FAT1: variants seen among roughly 807,000 people sequenced by gnomAD.
FAT1 encodes the protein FAT atypical cadherin 1.
Under a neutral mutation model 329.8 loss-of-function variants are expected in FAT1, and 171 were observed. The ratio of observed to expected loss-of-function variants is 0.52; its 90% CI spans 0.46 to 0.59. The LOEUF (loss-of-function observed/expected upper bound fraction) is 0.59. Among genes scored for constraint, FAT1 ranks in the 20% least tolerant of loss-of-function variants. FAT1 has a pLI of 0.00. For missense variants in FAT1, 5,672 were observed against 5,774.4 expected, an observed-to-expected ratio of 0.98 and a Z score of 0.57; for synonymous variants, 2,233 against 2,228.6, an observed-to-expected ratio of 1.00 and a Z score of -0.06.
intron 3 of FAT1, among the ~76,000 whole-genome samples, chr4:186,651,870 G>A (rs548515145): frequency 4.7e-4 from 72 of 152,300 alleles, no homozygotes; most frequent in African/African-American, 1.5e-3. Context: ...AGCCGGCTGC[G>A]CGCTCTTTCG....
At chr4:186,604,668 C>A in intron 17 of FAT1, 94 bp from the exon 18 acceptor site, 1 of 774,416 alleles carries the variant, frequency 1.3e-6, no homozygotes, top group South Asian at 2.2e-5. Flanking sequence ...ATATAAAATA[C>A]ATACAAAACA....
chr4:186,635,534 C>G (rs1740782811), intron 6 of FAT1, among the ~76,000 whole-genome samples: 1 of 152,120 alleles, frequency 6.6e-6, no homozygotes, highest in African/African-American at 2.4e-5. Flanking sequence ...AACTTTGTAC[C>G]ATAAGCTGGT....
intron 2 of FAT1, among the ~76,000 whole-genome samples, chr4:186,689,966 G>A (rs941080026): frequency 7.2e-5 from 11 of 152,052 alleles, no homozygotes; most frequent in Non-Finnish European, 1.5e-4. Flanking sequence ...CCAAATGAAG[G>A]GAAAGAGTAA....
intron 16 of FAT1, among the ~76,000 whole-genome samples, chr4:186,606,569 A>T (rs1739148460): frequency 6.6e-6 from 1 of 152,176 alleles, no homozygotes; most frequent in African/African-American, 2.4e-5. Flanking sequence ...CTTCGGTAAG[A>T]TGGGAGCAGC....
chr4:186,617,751 A>T lies in FAT1; in HGVS notation c.8835T>A (p.Ala2945=), dbSNP rs1012431805. 1 of 1,609,520 alleles carries T rather than the reference A, an allele frequency of 6.2e-7. No homozygotes were observed. Among genetic ancestry groups the T allele is most frequent in the Non-Finnish European group, 8.5e-7 (1 of 1,177,116 alleles). ...GVIAILSTTD[A]DSEEINRQVT... ...CTTGTCTGTTGATCTCTTCAGAATC[A>T]GCATCCGTGGTACTTAAGATGGCAA... The change falls in exon 10 of 27, where the codon GCT becomes GCA. Residue 2945 remains alanine, a synonymous_variant. Transcript: ENST00000441802.
intron 1 of FAT1, among the ~76,000 whole-genome samples, chr4:186,713,440 C>T (rs558619400): frequency 1.3e-5 from 2 of 152,058 alleles, no homozygotes; most frequent in African/African-American, 2.4e-5. Context: ...AAAATCAACA[C>T]GATTTATCGA....
chr4:186,651,864 G>A lies in FAT1; in HGVS notation c.3580+11435C>T, dbSNP rs947987190. Among the ~76,000 whole-genome samples, 195 of 152,292 alleles carry A rather than the reference G, an allele frequency of 1.3e-3. 2 individuals carry two copies. The highest frequency in any genetic ancestry group is 3.3e-3 in the East Asian group (17 of 5,178). On this transcript the variant is annotated intron_variant, in intron 3 of 26. Transcript: ENST00000441802. The stretch of plus-strand genomic sequence containing the variant: ...CCTAAGACCACACGTCACTACAGCC[G>A]GCTGCGCGCTCTTTCGGCAGCTGTG...
At chr4:186,629,948 C>T (rs1740511151) in intron 7 of FAT1, among the ~76,000 whole-genome samples, 1 of 152,216 alleles carries the variant, frequency 6.6e-6, no homozygotes, top group African/African-American at 2.4e-5. Context: ...TTCATTTCCA[C>T]TATAAATTTA....
chr4:186,590,506 G>GA, intron 26 of FAT1: 1 of 712,236 alleles, frequency 1.4e-6, no homozygotes, highest in Non-Finnish European at 2.2e-6. Flanking sequence ...ACTGCTTACA[G>GA]AGGCCCAATC....
At chr4:186,654,598 C>T (rs72716282) in intron 3 of FAT1, among the ~76,000 whole-genome samples, 432 of 152,250 alleles carry the variant, frequency 2.8e-3, no homozygotes, top group Admixed American at 4.4e-3. Flanking sequence ...AAGGATCACT[C>T]TCCAAAATAC....
In FAT1 at chr4:186,596,764, C is replaced by T. The variant is rs1738539477; in HGVS notation, c.12776G>A (p.Ser4259Asn). The T allele has an allele frequency of 6.2e-7, 1 of 1,613,986 alleles. No individual in the cohort carries two copies. Among genetic ancestry groups the T allele is most frequent in the East Asian group, 2.2e-5 (1 of 44,870 alleles). Residue 4259 changes from serine (S) to asparagine (N), a missense_variant, in exon 25 of 27, where the codon AGT (serine) becomes AAT (asparagine). Physicochemically the swap from Ser to Asn is conservative, Grantham distance 46. Transcript: ENST00000441802. This position sits in a 1 kb window ranked among gnomAD's most constrained non-coding sequence, Gnocchi z 4.7. ...ATTGTTTCTTGAGTCACTTGGAATA[C>T]TCGGGGTGTAGGAAATAGGCCGGAC... Reference protein sequence around the residue: ...VPVRPISYTPSIPSDSRNNLD... With the variant: ...VPVRPISYTPNIPSDSRNNLD...
intron 2 of FAT1, among the ~76,000 whole-genome samples, chr4:186,683,638 G>A (rs957337565): frequency 8.6e-5 from 13 of 151,870 alleles, no homozygotes; most frequent in Non-Finnish European, 1.6e-4. Flanking sequence ...GCTGACCTGC[G>A]GCCCCTGGAG....
chr4:186,610,072 T>C (rs2126461328), intron 14 of FAT1, 57 bp from the exon 15 acceptor site: 4 of 1,072,072 alleles, frequency 3.7e-6, no homozygotes, highest in Non-Finnish European at 5.7e-6. Context: ...ATTTTCCCAC[T>C]ATGACTGAAA....
chr4:186,593,168 A>C (rs533241212), intron 26 of FAT1, among the ~76,000 whole-genome samples: 33 of 150,630 alleles, frequency 2.2e-4, no homozygotes, highest in Admixed American at 7.9e-4. Context: ...ATTGTCCCCC[A>C]AAAAAAAGAA....
chr4:186,604,310 G>C (rs2126437389), intron 18 of FAT1, 67 bp downstream of exon 18: 2 of 1,336,180 alleles, frequency 1.5e-6, no homozygotes, highest in Non-Finnish European at 2.1e-6. Flanking sequence ...AAATAGAAGA[G>C]GGGAACCACG....
At chr4:186,723,942 C>A (rs889539929), upstream of FAT1, 4 of 151,186 alleles carry the variant, frequency 2.6e-5, no homozygotes, top group Non-Finnish European at 5.9e-5. Context: ...AGCCCACTTT[C>A]CCCGGCTGCC....
At position 186,636,012 on chromosome 4, in the gene FAT1, G is replaced by A. The variant is rs369341958; in HGVS notation, c.4183+13C>T. The A allele has an allele frequency of 6.2e-7, 1 of 1,613,044 alleles. No homozygotes were observed. The highest frequency in any genetic ancestry group is 8.5e-7 in the Non-Finnish European group (1 of 1,179,208). On this transcript the variant is annotated intron_variant, in intron 6 of 26. Coordinates refer to ENST00000441802, the MANE Select transcript of FAT1 (RefSeq NM_005245.4). ...AACCCATACGGACAACGAAAATGAG[G>A]GGGAATGCTTACCAGTGATGTCAAA...
At chr4:186,610,709 AT>A (rs56250349) in intron 14 of FAT1, among the ~76,000 whole-genome samples, 2,967 of 58,936 alleles carry the variant, frequency 0.05, 36 homozygotes, top group East Asian at 0.18. Flanking sequence ...ATAAATATAA[AT>A]TTATATAATT....
intron 2 of FAT1, among the ~76,000 whole-genome samples, chr4:186,670,429 G>A (rs1169901466): frequency 2.6e-5 from 4 of 152,064 alleles, no homozygotes; most frequent in South Asian, 2.1e-4. Context: ...TACCCTCAGC[G>A]TAAACAGGGT....
Sources: allele counts gnomAD v4.1 joint callset (sites outside exome capture counted in the v4.1 genomes callset), GRCh38; gene constraint gnomAD v4.1.1; non-coding constraint Gnocchi (gnomAD v3.1); transcripts MANE v1.5; gene names NCBI Gene and HGNC (gene_info 2026-07-23, HGNC 2026-07-21).